EPHB2: variants seen among roughly 807,000 people sequenced by gnomAD.
The protein encoded by EPHB2 is ephrin type-B receptor 2.
EPHB2 carries 18 observed loss-of-function variants against 96.4 expected under a neutral mutation model. That is an observed-to-expected ratio of 0.19 (90% CI 0.13 to 0.28). The LOEUF (loss-of-function observed/expected upper bound fraction) is 0.28. EPHB2 is among the 10% of genes least tolerant of loss of function. The pLI, the probability that EPHB2 is intolerant of heterozygous loss-of-function variation, is 1.00. For synonymous variants in EPHB2, 506 were observed against 534.1 expected, an observed-to-expected ratio of 0.95 and a Z score of 0.72; for missense variants, 989 against 1,355.4, an observed-to-expected ratio of 0.73 and a Z score of 4.25.
chr1:22,834,294 G>C (rs911805944), intron 3 of EPHB2, among the ~76,000 whole-genome samples: 2 of 152,206 alleles, frequency 1.3e-5, no homozygotes, highest in East Asian at 3.8e-4. Flanking sequence ...AGTACCTGAG[G>C]ACAGAGTGAC....
At chr1:22,743,675 G>A (rs1407190710) in intron 1 of EPHB2, among the ~76,000 whole-genome samples, 3 of 152,074 alleles carry the variant, frequency 2.0e-5, no homozygotes, top group South Asian at 2.1e-4. Context: ...GTTTCACCAC[G>A]TTGGCCAGGC....
In EPHB2 at chr1:22,715,170, T is replaced by C. The variant is rs74433939; in HGVS notation, c.61+4127T>C. ...CAGATGAATATATGATACTGTGTTA[T>C]GTGATAAGTATTGGGAGAATGATAT... On this transcript the variant is annotated intron_variant, in intron 1 of 15. Coordinates refer to ENST00000374630, the MANE Select transcript of EPHB2 (RefSeq NM_017449.5). Among the ~76,000 whole-genome samples, 7 of 152,332 alleles carry C rather than the reference T, an allele frequency of 4.6e-5. No individual in the cohort carries two copies. In the East Asian group the frequency reaches 1.3e-3, roughly 29 times the overall value.
intron 14 of EPHB2, among the ~76,000 whole-genome samples, chr1:22,911,487 G>A (rs1640103695): frequency 2.0e-5 from 3 of 152,150 alleles, no homozygotes; most frequent in Admixed American, 1.3e-4. Context: ...CACTGAGTCA[G>A]CATCCCCATG....
chr1:22,857,470 G>A (rs1645718160), intron 3 of EPHB2, among the ~76,000 whole-genome samples: 1 of 152,130 alleles, frequency 6.6e-6, no homozygotes. Context: ...GTGGCCCGAT[G>A]TCCAGGGAGC....
intron 5 of EPHB2, 122 bp from the exon 6 acceptor site, chr1:22,882,237 A>C: frequency 4.0e-6 from 6 of 1,518,426 alleles, no homozygotes; most frequent in Non-Finnish European, 3.6e-6. Flanking sequence ...CTGTGGCCTC[A>C]GCCAGATGCC....
At chr1:22,785,975 C>A (rs1644605281) in intron 3 of EPHB2, among the ~76,000 whole-genome samples, 1 of 152,182 alleles carries the variant, frequency 6.6e-6, no homozygotes, top group South Asian at 2.1e-4. Flanking sequence ...AACCACCATG[C>A]CACACTGTTA....
chr1:22,773,153 G>T (rs547396823), intron 1 of EPHB2, among the ~76,000 whole-genome samples: 2 of 152,290 alleles, frequency 1.3e-5, no homozygotes, highest in East Asian at 3.9e-4. Flanking sequence ...TCAAAACAAC[G>T]CAGTGAAGTA....
chr1:22,907,897 A>T (rs1639967441), intron 11 of EPHB2, 56 bp from the exon 12 acceptor site: 1 of 1,595,510 alleles, frequency 6.3e-7, no homozygotes, highest in African/African-American at 1.3e-5. Flanking sequence ...AGGATGATGC[A>T]GAGCTCTGAT....
chr1:22,751,604 T>G (rs1331712733), intron 1 of EPHB2, among the ~76,000 whole-genome samples: 1 of 152,128 alleles, frequency 6.6e-6, no homozygotes, highest in Non-Finnish European at 1.5e-5. Flanking sequence ...GCCTCTGCCT[T>G]GAGAGATGCG....
At position 22,852,712 on chromosome 1, in the gene EPHB2, A is replaced by G. The variant is rs184274489; in HGVS notation, c.812-10325A>G. On this transcript the variant is annotated intron_variant, in intron 3 of 15. Transcript: ENST00000374630. Reference sequence around the variant, plus strand: ...CTGGGAGACTGTGAGCTCCCCCTACAACTGGGGAACACACAGCAGTCATGA... The same window carrying G: ...CTGGGAGACTGTGAGCTCCCCCTACGACTGGGGAACACACAGCAGTCATGA... 3.2e-3 allele frequency among the ~76,000 whole-genome samples: 491 copies of G among 152,304 alleles called. 1 individual carries two copies. Among genetic ancestry groups the G allele is most frequent in the Middle Eastern group, 0.02 (6 of 294 alleles).
chr1:22,788,221 AGCT>A (rs1391816751), intron 3 of EPHB2, among the ~76,000 whole-genome samples: 31 of 152,184 alleles, frequency 2.0e-4, no homozygotes, highest in African/African-American at 7.5e-4. Flanking sequence ...TCAGAGTCAG[AGCT>A]ACTCCTTGCA....
chr1:22,888,514 C>G (rs1010351640), intron 6 of EPHB2, among the ~76,000 whole-genome samples: 8 of 152,306 alleles, frequency 5.3e-5, no homozygotes, highest in Non-Finnish European at 7.3e-5. Context: ...AAAACTGAGG[C>G]CTGGAAGGCT....
intron 3 of EPHB2, among the ~76,000 whole-genome samples, chr1:22,828,278 C>G (rs1645253403): frequency 6.6e-6 from 1 of 152,124 alleles, no homozygotes; most frequent in Admixed American, 6.5e-5. Context: ...GTGCATATGC[C>G]TCTCCATGGA....
At chr1:22,885,412 C>T (rs528965805) in intron 6 of EPHB2, among the ~76,000 whole-genome samples, 29 of 152,330 alleles carry the variant, frequency 1.9e-4, no homozygotes, top group Middle Eastern at 3.4e-3. Flanking sequence ...TACTTTCCGC[C>T]GCTGCCCGAG....
intron 3 of EPHB2, among the ~76,000 whole-genome samples, chr1:22,818,724 T>C (rs1645108057): frequency 6.6e-6 from 1 of 152,096 alleles, no homozygotes; most frequent in African/African-American, 2.4e-5. Flanking sequence ...TTCCCTCCCC[T>C]GCACCGTTCA....
At chr1:22,781,324 A>C in intron 1 of EPHB2, 97 bp from the exon 2 acceptor site, 1 of 1,223,718 alleles carries the variant, frequency 8.2e-7, no homozygotes, top group Non-Finnish European at 1.1e-6. Context: ...CGTCTAAAAA[A>C]AAAAAAAAAA....
At chr1:22,878,680 A>G (rs1465481881) in intron 5 of EPHB2, among the ~76,000 whole-genome samples, 1 of 152,226 alleles carries the variant, frequency 6.6e-6, no homozygotes, top group Non-Finnish European at 1.5e-5. Flanking sequence ...AGCAAGGCTA[A>G]AAGTACCTGC....
intron 5 of EPHB2, among the ~76,000 whole-genome samples, chr1:22,866,464 A>G (rs1424383531): frequency 6.6e-6 from 1 of 152,050 alleles, no homozygotes; most frequent in African/African-American, 2.4e-5. Context: ...GGAGTCTTGT[A>G]TGTTGCCCAG....
At chr1:22,804,115 C>T (rs1283158210) in intron 3 of EPHB2, among the ~76,000 whole-genome samples, 1 of 152,160 alleles carries the variant, frequency 6.6e-6, no homozygotes, top group African/African-American at 2.4e-5. Flanking sequence ...TGCGGTCTCA[C>T]AGAGCACATT....
Sources: allele counts gnomAD v4.1 joint callset (sites outside exome capture counted in the v4.1 genomes callset), GRCh38; gene constraint gnomAD v4.1.1; transcripts MANE v1.5; gene names NCBI Gene and HGNC (gene_info 2026-07-23, HGNC 2026-07-21).